Variants in ACOT2 observed in about 807,000 individuals in gnomAD.
The protein encoded by ACOT2 is acyl-coenzyme A thioesterase 2, mitochondrial.
A neutral mutation model predicts 20.1 loss-of-function variants in ACOT2; 15 were observed. That is an observed-to-expected ratio of 0.75 (90% CI 0.50 to 1.15). The LOEUF is 1.15. Ranked by LOEUF, ACOT2 falls within the 50% of genes most tolerant of loss-of-function variation. ACOT2 has a pLI of 0.00. For synonymous variants in ACOT2, 252 were observed against 268.4 expected (o/e 0.94, Z 0.60); for missense variants, 479 against 615.3 (o/e 0.78, Z 2.34).
At position 73,569,678 on chromosome 14, in the gene ACOT2, G is replaced by A; in HGVS notation, c.438G>A (p.Leu146=). 6.2e-7 allele frequency: 1 copy of A among 1,608,994 alleles called. No homozygotes were observed. ...AGCCCATGGGGCTGCTCTGGGCCTT[G>A]GAGCCCGAGAAACCTTTGGTGCGGC... ...GLEPMGLLWA[L]EPEKPLVRLV... Residue 146 remains leucine (L), a synonymous_variant, in exon 1 of 3, where the codon TTG becomes TTA. Transcript: ENST00000238651.
In ACOT2 at chr14:73,569,298, A is replaced by G. The variant is rs139218298; in HGVS notation, c.58A>G (p.Lys20Glu). 3 of 1,613,790 alleles carry G rather than the reference A, an allele frequency of 1.9e-6. No individual in the cohort carries two copies. In the African/African-American group the frequency reaches 4.0e-5, roughly 22 times the overall value. Residue 20 changes from lysine to glutamate, a missense_variant, in exon 1 of 3, where the codon AAA (lysine) becomes GAA (glutamate). Physicochemically the swap from Lys to Glu is moderately conservative, Grantham distance 56. Transcript: ENST00000238651. ...PHSVVLRSEFKMASSPAVLRA... is the reference protein window; with the variant it reads ...PHSVVLRSEFEMASSPAVLRA... ...TTCAGTTGTTCTCAGGTCTGAATTCAAAATGGCCTCATCTCCTGCTGTCCT... is the reference window on the plus strand; with the variant it reads ...TTCAGTTGTTCTCAGGTCTGAATTCGAAATGGCCTCATCTCCTGCTGTCCT...
chr14:73,574,069 C>T (rs1469629600), intron 2 of ACOT2, among the ~76,000 whole-genome samples: 3 of 151,406 alleles, frequency 2.0e-5, no homozygotes, highest in African/African-American at 7.3e-5. Context: ...TGGGGTTTCG[C>T]CATGTTGGCC....
At chr14:73,572,645 T>TCC in intron 1 of ACOT2, among the ~76,000 whole-genome samples, 1 of 51,106 alleles carries the variant, frequency 2.0e-5, no homozygotes, top group Non-Finnish European at 3.2e-5. Flanking sequence ...TTGCATTTTT[T>TCC]TTTTTTTTTT....
At chr14:73,568,949 T>C, upstream of ACOT2, 1 of 471,962 alleles carries the variant, frequency 2.1e-6, no homozygotes, top group Non-Finnish European at 3.8e-6. Flanking sequence ...TAACTCCAGC[T>C]CTGCATTCCT....
chr14:73,574,689 T>C lies in ACOT2; in HGVS notation c.847-219T>C, dbSNP rs192404080. 2.0e-3 allele frequency among the ~76,000 whole-genome samples: 297 copies of C among 152,038 alleles called. 3 individuals are homozygous for C. The highest frequency in any genetic ancestry group is 3.5e-3 in the Non-Finnish European group (236 of 67,906). ...AAGGAACTGAGAAACCAGAGAATAA[T>C]TGATAGATCTTCCACATGGTTATCA... On this transcript the variant is annotated intron_variant, in intron 2 of 2. Transcript: ENST00000238651.
chr14:73,569,915 G>A (rs761568880), intron 1 of ACOT2, 32 bp downstream of exon 1: 3 of 1,585,694 alleles, frequency 1.9e-6, no homozygotes, highest in Admixed American at 1.7e-5. Context: ...TTCCGTGTTC[G>A]TTCGCCTTTC....
intron 1 of ACOT2, 140 bp from the exon 2 acceptor site, chr14:73,573,248 A>G: frequency 7.7e-7 from 1 of 1,306,864 alleles, no homozygotes; most frequent in Non-Finnish European, 1.1e-6. Flanking sequence ...TTTCTGGACG[A>G]ACAGGTTTTC....
chr14:73,570,993 A>G (rs1005878331), intron 1 of ACOT2, among the ~76,000 whole-genome samples: 2 of 134,718 alleles, frequency 1.5e-5, no homozygotes, highest in South Asian at 2.3e-4. Flanking sequence ...TTTTTTTTAA[A>G]TAAGAATTCC....
At chr14:73,570,881 G>C (rs1188856277) in intron 1 of ACOT2, among the ~76,000 whole-genome samples, 1 of 146,044 alleles carries the variant, frequency 6.8e-6, no homozygotes, top group African/African-American at 2.5e-5. Context: ...CTCCAGCCTG[G>C]GGGACAAGAG....
upstream of ACOT2, among the ~76,000 whole-genome samples, chr14:73,568,718 G>A (rs79016516): frequency 3.7e-3 from 569 of 152,114 alleles, 18 homozygotes; most frequent in East Asian, 0.081. Context: ...AGGAGTTTGA[G>A]AAATTACTAC....
chr14:73,569,649 C>T lies in ACOT2; in HGVS notation c.409C>T (p.Leu137Phe). 1.2e-6 allele frequency: 2 copies of T among 1,605,336 alleles called. No individual in the cohort carries two copies. Among genetic ancestry groups the T allele is most frequent in the Non-Finnish European group, 8.5e-7 (1 of 1,177,340 alleles). ...CGCGCTGGGCGGCAGCTTCGCGGGG[C>T]TTGAGCCCATGGGGCTGCTCTGGGC... ...APALGGSFAG[L>F]EPMGLLWALE... The change falls in exon 1 of 3, where the codon CTT becomes TTT. Residue 137 changes from leucine (L) to phenylalanine (F), a missense_variant. By Grantham distance (22) the Leu-to-Phe change is conservative. This residue lies in a region of ACOT2 where 400 missense variants were observed against 395.5 expected (regional missense o/e 1.01). Transcript: ENST00000238651.
chr14:73,574,582 G>C (rs1265892849), intron 2 of ACOT2, among the ~76,000 whole-genome samples: 5 of 151,962 alleles, frequency 3.3e-5, no homozygotes, highest in Non-Finnish European at 7.4e-5. Context: ...TGTACTTGTT[G>C]ATGATGACTC....
chr14:73,574,391 C>A (rs55737924), intron 2 of ACOT2: 12,995 of 198,028 alleles, frequency 0.066, 602 homozygotes, highest in African/African-American at 0.19. Flanking sequence ...CAGCCTCCCA[C>A]GTAGCTGTGA....
upstream of ACOT2, chr14:73,568,273 A>G (rs1889639839): frequency 6.6e-6 from 1 of 151,990 alleles, no homozygotes; most frequent in South Asian, 2.1e-4. Flanking sequence ...CTACACATTT[A>G]TAGCTTTCTC....
chr14:73,572,053 ACT>A (rs1375821560), intron 1 of ACOT2, among the ~76,000 whole-genome samples: 2 of 150,380 alleles, frequency 1.3e-5, no homozygotes, highest in Admixed American at 6.7e-5. Context: ...AGGAAATGAA[ACT>A]CACTGCTAGA....
At chr14:73,570,677 G>A (rs537902532) in intron 1 of ACOT2, among the ~76,000 whole-genome samples, 23 of 151,982 alleles carry the variant, frequency 1.5e-4, no homozygotes, top group Non-Finnish European at 3.1e-4. Context: ...GGCCGAGGCC[G>A]GCGGATCACC....
chr14:73,571,802 T>C (rs1889757610), intron 1 of ACOT2: 1 of 152,120 alleles, frequency 6.6e-6, no homozygotes, highest in Admixed American at 6.6e-5. Flanking sequence ...TCGCACAGTA[T>C]GTTAAGATTT....
intron 1 of ACOT2, 27 bp from the exon 2 acceptor site, chr14:73,573,361 T>A: frequency 6.2e-7 from 1 of 1,613,532 alleles, no homozygotes; most frequent in Non-Finnish European, 8.5e-7. Flanking sequence ...TAGCTTAGTT[T>A]TGCATTTTGT....
At chr14:73,570,323 A>G (rs1889700176) in intron 1 of ACOT2, among the ~76,000 whole-genome samples, 1 of 151,746 alleles carries the variant, frequency 6.6e-6, no homozygotes, top group Admixed American at 6.6e-5. Context: ...TAATCCCAGC[A>G]CTTTGGGAAG....
Sources: allele counts gnomAD v4.1 joint callset (sites outside exome capture counted in the v4.1 genomes callset), GRCh38; gene constraint gnomAD v4.1.1; regional missense constraint gnomAD v4.1.1; transcripts MANE v1.5; gene names NCBI Gene and HGNC (gene_info 2026-07-23, HGNC 2026-07-21).